ERAP1: variants seen among roughly 807,000 people sequenced by gnomAD.
The protein encoded by ERAP1 is endoplasmic reticulum aminopeptidase 1, also known as adipocyte-derived leucine aminopeptidase.
Under a neutral mutation model 103.7 loss-of-function variants are expected in ERAP1, and 86 were observed. The ratio of observed to expected loss-of-function variants is 0.83; its 90% CI spans 0.70 to 0.99. ERAP1 has a LOEUF of 0.99. Among genes scored for constraint, ERAP1 ranks in the 50% least tolerant of loss-of-function variants. The probability of loss-of-function intolerance (pLI) is 0.00; values close to 1 mark genes in which losing one functional copy is unlikely to be tolerated. For synonymous variants in ERAP1, 398 were observed against 402.4 expected, an observed-to-expected ratio of 0.99 and a Z score of 0.13; for missense variants, 1,009 against 1,128.4, an observed-to-expected ratio of 0.89 and a Z score of 1.52.
At chr5:96,896,212 C>T in the ERAP1 span, among the ~76,000 whole-genome samples, 1 of 151,778 alleles carries the variant, frequency 6.6e-6, no homozygotes, top group African/African-American at 2.4e-5. Flanking sequence ...AGATGTATTC[C>T]CCTTTGGCCA....
In ERAP1 at chr5:96,781,047, G is replaced by C; in HGVS notation, c.2588+11C>G. 6.2e-7 allele frequency: 1 copy of C among 1,613,830 alleles called. No individual in the cohort carries two copies. The highest frequency in any genetic ancestry group is 2.2e-5 in the East Asian group (1 of 44,886). ...TTATCCAGTCACAGCACAATTTTTG[G>C]CACCACTTACTTTTGTACAAGTTTG... On this transcript the variant is annotated intron_variant, in intron 17 of 18. Transcript: ENST00000443439.
exon 20 of ERAP1, chr5:96,761,219 A>C (rs954592956): frequency 1.3e-5 from 2 of 152,216 alleles, no homozygotes; most frequent in African/African-American, 2.4e-5. Context: ...GGCTTAAATA[A>C]TAAGTCAATA....
the ERAP1 span, among the ~76,000 whole-genome samples, chr5:96,887,913 G>A: frequency 6.6e-6 from 1 of 152,174 alleles, no homozygotes; most frequent in Non-Finnish European, 1.5e-5. Context: ...ATCGCCTGAG[G>A]TCAGGAGTTT....
the ERAP1 span, among the ~76,000 whole-genome samples, chr5:96,915,152 C>T: frequency 2.0e-5 from 3 of 152,038 alleles, no homozygotes; most frequent in Admixed American, 2.0e-4. Context: ...GGATTACAGG[C>T]ATGCACCACC....
At chr5:96,884,891 C>T in the ERAP1 span, among the ~76,000 whole-genome samples, 1 of 152,184 alleles carries the variant, frequency 6.6e-6, no homozygotes, top group Non-Finnish European at 1.5e-5. Flanking sequence ...GTGACAATTG[C>T]CATGCAAGTA....
At chr5:96,837,384 T>C in the ERAP1 span, among the ~76,000 whole-genome samples, 1 of 152,210 alleles carries the variant, frequency 6.6e-6, no homozygotes, top group Non-Finnish European at 1.5e-5. Flanking sequence ...AGTTATATGT[T>C]AATGAAGCAG....
exon 20 of ERAP1, chr5:96,762,266 A>G (rs1165526124): frequency 6.3e-7 from 1 of 1,594,510 alleles, no homozygotes; most frequent in Non-Finnish European, 8.5e-7. Context: ...AATTTTTTTC[A>G]ATAAAAGAAA....
intron 11 of ERAP1, 148 bp from the exon 12 acceptor site, chr5:96,786,697 T>C: frequency 1.6e-6 from 1 of 631,696 alleles, no homozygotes; most frequent in Admixed American, 2.5e-5. Flanking sequence ...ATCCCCAGTC[T>C]GTTTTCCAGC....
chr5:96,810,381 G>C (rs755287289), upstream of ERAP1, among the ~76,000 whole-genome samples: 1 of 152,180 alleles, frequency 6.6e-6, no homozygotes, highest in Non-Finnish European at 1.5e-5. Flanking sequence ...CCTACCAACT[G>C]TTAGATACTG....
At position 96,793,392 on chromosome 5, in the gene ERAP1, C is replaced by G. The variant is rs1446384034; in HGVS notation, c.1188+8G>C. On this transcript the variant is annotated splice_region_variant and intron_variant, in intron 7 of 18. Coordinates refer to ENST00000443439, the MANE Select transcript of ERAP1 (RefSeq NM_001040458.3). ...AACCTCAAATGTGAAGGATAAATAA[C>G]TACTTACAACTTTCAGTTCAGGATG... 6.3e-7 allele frequency: 1 copy of G among 1,591,324 alleles called. No individual in the cohort carries two copies. Among genetic ancestry groups the G allele is most frequent in the Admixed American group, 1.7e-5 (1 of 59,942 alleles).
Position 96,788,561 on chromosome 5 carries a change from A to G in ERAP1, c.1649T>C (p.Met550Thr). 6.2e-7 allele frequency: 1 copy of G among 1,614,228 alleles called. No homozygotes were observed. The highest frequency in any genetic ancestry group is 2.2e-5 in the East Asian group (1 of 44,894). ...RNVHMKQEHYMKGSDGAPDTG... is the reference protein window; with the variant it reads ...RNVHMKQEHYTKGSDGAPDTG... ...GTCCGGGGCGCCGTCAGAGCCCTTC[A>G]TGTAGTGCTCTTGCTTCATGTGTAC... Residue 550 changes from methionine to threonine, a missense_variant, in exon 11 of 19, where the codon ATG (methionine) becomes ACG (threonine). Met to Thr is a moderately conservative substitution (Grantham distance 81, BLOSUM62 -1). Coordinates refer to ENST00000443439, the MANE Select transcript of ERAP1 (RefSeq NM_001040458.3).
intron 4 of ERAP1, among the ~76,000 whole-genome samples, chr5:96,796,366 C>A (rs1268536431): frequency 6.6e-6 from 1 of 152,206 alleles, no homozygotes; most frequent in Non-Finnish European, 1.5e-5. Flanking sequence ...TGCCTTGAAA[C>A]AAGATTTTTC....
At chr5:96,853,438 C>A in the ERAP1 span, among the ~76,000 whole-genome samples, 2 of 152,150 alleles carry the variant, frequency 1.3e-5, no homozygotes, top group African/African-American at 4.8e-5. Flanking sequence ...ACACTACCGA[C>A]TTCAAAAGCA....
chr5:96,839,104 C>G, the ERAP1 span, among the ~76,000 whole-genome samples: 1 of 152,180 alleles, frequency 6.6e-6, no homozygotes, highest in African/African-American at 2.4e-5. Context: ...AACTGAGAAA[C>G]AGCCAAATGA....
the ERAP1 span, among the ~76,000 whole-genome samples, chr5:96,844,962 A>T: frequency 2.0e-5 from 3 of 152,260 alleles, no homozygotes; most frequent in South Asian, 6.2e-4. Context: ...GGGTGAGAAA[A>T]ATTATGTCTG....
the ERAP1 span, among the ~76,000 whole-genome samples, chr5:96,887,334 T>A: frequency 2.7e-5 from 4 of 147,534 alleles, no homozygotes; most frequent in Non-Finnish European, 4.5e-5. Flanking sequence ...AGAGTCTCAC[T>A]CTGTTGGCCA....
the ERAP1 span, among the ~76,000 whole-genome samples, chr5:96,933,471 G>A: frequency 6.6e-6 from 1 of 151,994 alleles, no homozygotes; most frequent in African/African-American, 2.4e-5. Flanking sequence ...GAATGGGAGG[G>A]GTGGGAGGCA....
chr5:96,803,880 A>G lies in ERAP1; in HGVS notation c.47T>C (p.Leu16Pro), dbSNP rs752294856. Residue 16 changes from leucine (L) to proline (P), a missense_variant, in exon 2 of 19, where the codon CTA becomes CCA. Coordinates refer to ENST00000443439, the MANE Select transcript of ERAP1 (RefSeq NM_001040458.3). ...TAAGAGAGCCAACAGTGAGGAAAGT[A>G]GAAATGACATGGTTGCAAGGGACCA... ...LKWSLATMSF[L>P]LSSLLALLTV... 1.2e-6 allele frequency: 2 copies of G among 1,612,528 alleles called. No individual in the cohort carries two copies. Among genetic ancestry groups the G allele is most frequent in the African/African-American group, 1.3e-5 (1 of 74,942 alleles).
At chr5:96,771,784 A>G (rs1253425467), downstream of ERAP1, 2 of 792,274 alleles carry the variant, frequency 2.5e-6, no homozygotes, top group African/African-American at 1.7e-5. Flanking sequence ...AGTGAAGTCC[A>G]CCTCTTGAGT....
Sources: allele counts gnomAD v4.1 joint callset (sites outside exome capture counted in the v4.1 genomes callset), GRCh38; gene constraint gnomAD v4.1.1; transcripts MANE v1.5; gene names NCBI Gene and HGNC (gene_info 2026-07-23, HGNC 2026-07-21).